Variants in TDRD3 observed in about 807,000 individuals in gnomAD.
TDRD3 encodes the protein tudor domain containing 3, also known as tudor domain-containing protein 3.
A neutral mutation model predicts 86.7 loss-of-function variants in TDRD3; 45 were observed. The observed-to-expected ratio is 0.52, with a 90% CI of 0.41 to 0.67. The LOEUF (loss-of-function observed/expected upper bound fraction) is 0.67. Ranked by LOEUF, TDRD3 falls within the 30% of genes least tolerant of loss-of-function variation. The pLI is 0.00. For synonymous variants in TDRD3, 298 were observed against 301.7 expected (o/e 0.99, Z 0.13); for missense variants, 814 against 889.0 (o/e 0.92, Z 1.07).
chr13:60,397,432 G>A (rs1227109401), intron 1 of TDRD3, 27 bp downstream of exon 1: 5 of 1,479,472 alleles, frequency 3.4e-6, no homozygotes, highest in Non-Finnish European at 4.5e-6. Context: ...GCCGGCTGCC[G>A]GGCCGCGGGT....
At chr13:60,412,014 C>G (rs185079957) in intron 1 of TDRD3, among the ~76,000 whole-genome samples, 99 of 152,238 alleles carry the variant, frequency 6.5e-4, no homozygotes, top group Non-Finnish European at 1.2e-3. Context: ...ACATCGTATC[C>G]TTGGTTTCTA....
At chr13:60,556,735 T>C (rs1298806359) in intron 12 of TDRD3, among the ~76,000 whole-genome samples, 1 of 152,164 alleles carries the variant, frequency 6.6e-6, no homozygotes. Context: ...TACTAGGTTA[T>C]GCAGAATGGT....
chr13:60,403,232 C>T (rs544261561), intron 1 of TDRD3, among the ~76,000 whole-genome samples: 2 of 152,054 alleles, frequency 1.3e-5, no homozygotes, highest in South Asian at 4.2e-4. Flanking sequence ...AAGAAACTTG[C>T]TACCTCAGCA....
At chr13:60,552,483 G>T (rs1958086185) in intron 12 of TDRD3, among the ~76,000 whole-genome samples, 1 of 152,226 alleles carries the variant, frequency 6.6e-6, no homozygotes, top group South Asian at 2.1e-4. Context: ...TTCACAGTCT[G>T]GTGTTGAGTG....
At chr13:60,480,415 A>G (rs1956284595) in intron 5 of TDRD3, among the ~76,000 whole-genome samples, 1 of 152,068 alleles carries the variant, frequency 6.6e-6, no homozygotes, top group Admixed American at 6.6e-5. Context: ...AGCTGCCTGT[A>G]TGATTTTTTT....
At chr13:60,517,592 C>A in intron 10 of TDRD3, among the ~76,000 whole-genome samples, 1 of 152,202 alleles carries the variant, frequency 6.6e-6, no homozygotes, top group Non-Finnish European at 1.5e-5. Flanking sequence ...CTATCACTTT[C>A]TTTCTATTCC....
intron 1 of TDRD3, among the ~76,000 whole-genome samples, chr13:60,429,452 C>T (rs1711612483): frequency 6.6e-6 from 1 of 152,066 alleles, no homozygotes; most frequent in Non-Finnish European, 1.5e-5. Context: ...AACTTTATTG[C>T]TTACTAGCTC....
intron 3 of TDRD3, among the ~76,000 whole-genome samples, chr13:60,452,102 G>A (rs929351389): frequency 1.3e-5 from 2 of 152,092 alleles, no homozygotes; most frequent in African/African-American, 2.4e-5. Context: ...ACTGAACCGG[G>A]AATTAGGAAG....
chr13:60,461,600 T>C (rs1156509944), intron 4 of TDRD3, among the ~76,000 whole-genome samples: 1 of 152,176 alleles, frequency 6.6e-6, no homozygotes, highest in Non-Finnish European at 1.5e-5. Context: ...TAAACTTGTA[T>C]ACCATACTTT....
chr13:60,469,951 G>T (rs999569334), intron 5 of TDRD3, among the ~76,000 whole-genome samples: 1 of 151,924 alleles, frequency 6.6e-6, no homozygotes, highest in African/African-American at 2.4e-5. Context: ...AAGAACATTC[G>T]CATTGTTGCA....
chr13:60,464,543 T>C (rs567717394), intron 4 of TDRD3, among the ~76,000 whole-genome samples: 1 of 152,226 alleles, frequency 6.6e-6, no homozygotes, highest in Non-Finnish European at 1.5e-5. Context: ...AAAACATATG[T>C]ATGTATGTAT....
At chr13:60,570,508 A>T (rs932034989) in intron 13 of TDRD3, among the ~76,000 whole-genome samples, 4 of 152,214 alleles carry the variant, frequency 2.6e-5, no homozygotes, top group Non-Finnish European at 5.9e-5. Flanking sequence ...GTTGGTTCCT[A>T]AAAAAACTGA....
At chr13:60,460,270 A>G in intron 3 of TDRD3, 110 bp from the exon 4 acceptor site, 11 of 915,054 alleles carry the variant, frequency 1.2e-5, no homozygotes, top group Admixed American at 4.0e-5. Context: ...AGTTATTATA[A>G]ATCATAAAGC....
chr13:60,447,835 G>T (rs1008058557), intron 3 of TDRD3, among the ~76,000 whole-genome samples: 6 of 152,134 alleles, frequency 3.9e-5, no homozygotes, highest in Non-Finnish European at 8.8e-5. Flanking sequence ...GAAGCAAAGA[G>T]TTAAAAAGCA....
intron 10 of TDRD3, among the ~76,000 whole-genome samples, chr13:60,513,170 A>G (rs1463050901): frequency 1.3e-5 from 2 of 152,216 alleles, no homozygotes; most frequent in East Asian, 1.9e-4. Context: ...GGCATGCACC[A>G]TCTGCAGTCA....
At chr13:60,485,743 A>G in intron 6 of TDRD3, 56 bp from the exon 7 acceptor site, 1 of 1,388,752 alleles carries the variant, frequency 7.2e-7, no homozygotes, top group African/African-American at 1.5e-5. Context: ...TTTCTAACGA[A>G]AACTTGAATC....
chr13:60,527,164 G>A (rs768682391), intron 10 of TDRD3, among the ~76,000 whole-genome samples: 4 of 152,122 alleles, frequency 2.6e-5, no homozygotes, highest in Non-Finnish European at 5.9e-5. Context: ...TCTTTAATCA[G>A]TGACCTGTTT....
At chr13:60,414,906 T>C (rs1382933049) in intron 1 of TDRD3, among the ~76,000 whole-genome samples, 2 of 152,064 alleles carry the variant, frequency 1.3e-5, no homozygotes, top group African/African-American at 4.8e-5. Context: ...TCTGTTTTTG[T>C]TTTTAAAAAA....
At chr13:60,572,875 A>G (rs1412616894) in intron 13 of TDRD3, among the ~76,000 whole-genome samples, 3 of 152,150 alleles carry the variant, frequency 2.0e-5, no homozygotes, top group East Asian at 1.9e-4. Context: ...CACTGTAAAG[A>G]TAACTGTTAC....
Sources: allele counts gnomAD v4.1 joint callset (sites outside exome capture counted in the v4.1 genomes callset), GRCh38; gene constraint gnomAD v4.1.1; transcripts MANE v1.5; gene names NCBI Gene and HGNC (gene_info 2026-07-23, HGNC 2026-07-21).